GPR63: variants seen among roughly 807,000 people sequenced by gnomAD.
GPR63 encodes G protein-coupled receptor 63.
In GPR63, 12 loss-of-function variants were observed where a neutral mutation model predicts 23.1. That is an observed-to-expected ratio of 0.52 (90% CI 0.33 to 0.84). GPR63 has a LOEUF of 0.84. Ranked by LOEUF, GPR63 falls within the 40% of genes least tolerant of loss-of-function variation. The pLI, the probability that GPR63 is intolerant of heterozygous loss-of-function variation, is 0.02. For missense variants in GPR63, 472 were observed against 515.6 expected (o/e 0.92, Z 0.82); for synonymous variants, 172 against 191.1 (o/e 0.90, Z 0.82).
chr6:96,834,896 C>T (rs1774683498), intron 1 of GPR63, among the ~76,000 whole-genome samples: 1 of 152,150 alleles, frequency 6.6e-6, no homozygotes, highest in South Asian at 2.1e-4. Context: ...AGTACCAGAA[C>T]TTCCCCAAGG....
chr6:96,800,271 G>A (rs1375547017), intron 1 of GPR63, among the ~76,000 whole-genome samples: 2 of 151,782 alleles, frequency 1.3e-5, no homozygotes, highest in Non-Finnish European at 2.9e-5. Context: ...GTTCTCTTGA[G>A]CACTATTTTT....
At chr6:96,825,197 A>G (rs1387669583) in intron 1 of GPR63, among the ~76,000 whole-genome samples, 1 of 152,144 alleles carries the variant, frequency 6.6e-6, no homozygotes, top group African/African-American at 2.4e-5. Flanking sequence ...TACTCAATAT[A>G]TATTCAATTA....
At chr6:96,808,396 A>G (rs1470926594) in intron 1 of GPR63, among the ~76,000 whole-genome samples, 1 of 152,218 alleles carries the variant, frequency 6.6e-6, no homozygotes, top group Non-Finnish European at 1.5e-5. Context: ...ATCTGGTAAA[A>G]ATACAATAAA....
chr6:96,822,995 C>T (rs575944125), intron 1 of GPR63, among the ~76,000 whole-genome samples: 5 of 152,220 alleles, frequency 3.3e-5, no homozygotes, highest in East Asian at 1.9e-4. Flanking sequence ...CTAATGACAT[C>T]GTAGCCATCA....
intron 1 of GPR63, among the ~76,000 whole-genome samples, chr6:96,833,495 C>A (rs866668604): frequency 6.6e-6 from 1 of 152,134 alleles, no homozygotes; most frequent in Non-Finnish European, 1.5e-5. Context: ...TGTAAAGATG[C>A]CTCATTTTAG....
intron 1 of GPR63, among the ~76,000 whole-genome samples, chr6:96,832,425 T>C (rs968252319): frequency 1.8e-5 from 2 of 113,588 alleles, no homozygotes; most frequent in Admixed American, 1.1e-4. Flanking sequence ...CCACCATACC[T>C]GACTAACTTT....
intron 1 of GPR63, among the ~76,000 whole-genome samples, chr6:96,803,933 T>G (rs1202242416): frequency 6.6e-6 from 1 of 152,202 alleles, no homozygotes; most frequent in Non-Finnish European, 1.5e-5. Context: ...TGAGAAAAAT[T>G]TTAAATTATG....
chr6:96,798,182 T>C lies in GPR63; in HGVS notation c.*290A>G. 3.1e-6 allele frequency: 1 copy of C among 321,824 alleles called. No individual in the cohort carries two copies. Among genetic ancestry groups the C allele is most frequent in the Non-Finnish European group, 5.7e-6 (1 of 175,664 alleles). 19.9% of individuals were successfully genotyped at this position (321,824 alleles called of 1,614,324 possible). On this transcript the variant is annotated 3_prime_UTR_variant, in exon 2 of 2. Transcript: ENST00000229955. The stretch of plus-strand genomic sequence containing the variant: ...CTGCAGGCTCAATAAAGCACAATCC[T>C]GATTCCCACTATGAAAACAAAATCA...
At position 96,798,094 on chromosome 6, in the gene GPR63, A is replaced by G. The variant is rs1039998009; in HGVS notation, c.*378T>C. 2 of 165,810 alleles carry G rather than the reference A, an allele frequency of 1.2e-5. No individual in the cohort carries two copies. Among genetic ancestry groups the G allele is most frequent in the Non-Finnish European group, 2.6e-5 (2 of 76,024 alleles). The allele number at this position is 165,810 out of a possible 1,614,324, so 10.3% of individuals were successfully genotyped here. On this transcript the variant is annotated 3_prime_UTR_variant, in exon 2 of 2. Coordinates refer to ENST00000229955, the MANE Select transcript of GPR63 (RefSeq NM_030784.4). Reference sequence around the variant, plus strand: ...GCAGCAGTGTCTTCCAGAAAAAAAAAGTCTTGATAAACTCAAATAAGCATA... The same window carrying G: ...GCAGCAGTGTCTTCCAGAAAAAAAAGGTCTTGATAAACTCAAATAAGCATA...
At chr6:96,806,483 C>T (rs1582253117) in intron 1 of GPR63, among the ~76,000 whole-genome samples, 1 of 152,158 alleles carries the variant, frequency 6.6e-6, no homozygotes, top group South Asian at 2.1e-4. Context: ...GTCCGGGCTG[C>T]TATGAAAGCT....
chr6:96,809,312 G>A (rs1253028411), intron 1 of GPR63, among the ~76,000 whole-genome samples: 1 of 152,130 alleles, frequency 6.6e-6, no homozygotes, highest in Admixed American at 6.6e-5. Flanking sequence ...GTTAACTAAT[G>A]TGTCTAACTG....
chr6:96,836,049 T>C (rs896113165), intron 1 of GPR63, among the ~76,000 whole-genome samples: 18 of 152,104 alleles, frequency 1.2e-4, no homozygotes, highest in Non-Finnish European at 2.2e-4. Flanking sequence ...ATGCAACATT[T>C]TACAAAATAT....
intron 1 of GPR63, among the ~76,000 whole-genome samples, chr6:96,820,788 C>A (rs1774295222): frequency 6.6e-6 from 1 of 152,126 alleles, no homozygotes; most frequent in Admixed American, 6.5e-5. Context: ...ATATGCCTAT[C>A]TTCACAATTA....
At chr6:96,804,253 T>C (rs993993272) in intron 1 of GPR63, among the ~76,000 whole-genome samples, 2 of 152,182 alleles carry the variant, frequency 1.3e-5, no homozygotes, top group Non-Finnish European at 2.9e-5. Context: ...TTTTATTTTT[T>C]TGAGACAGGA....
Position 96,817,412 on chromosome 6 carries a change from T to C in GPR63, c.-150-17531A>G, listed in dbSNP as rs147750844. On this transcript the variant is annotated intron_variant, in intron 1 of 1. Transcript: ENST00000229955. The stretch of plus-strand genomic sequence containing the variant: ...GTGGTACACATGAAACTTTCATTCA[T>C]TGGGAGTGGAAATGGGTAACTAGAT... Among the ~76,000 whole-genome samples, 85 of 152,268 alleles carry C rather than the reference T, an allele frequency of 5.6e-4. 1 individual carries two copies. The East Asian group carries it at 0.011, about 20-fold the overall frequency.
chr6:96,830,275 C>T (rs1774546787), intron 1 of GPR63, among the ~76,000 whole-genome samples: 1 of 152,096 alleles, frequency 6.6e-6, no homozygotes, highest in South Asian at 2.1e-4. Flanking sequence ...TCACAATAAA[C>T]ATTCTTTAAA....
Position 96,799,615 on chromosome 6 carries a change from G to T in GPR63, c.117C>A (p.Asp39Glu), listed in dbSNP as rs768133094. 9.3e-6 allele frequency: 15 copies of T among 1,614,050 alleles called. No individual in the cohort carries two copies. The part of the protein sequence containing the change: ...ITLPPPFQHP[D>E]LSPLLRYSFE... The stretch of plus-strand genomic sequence containing the variant: ...AACTATATCTAAGCAATGGACTGAG[G>T]TCAGGATGCTGGAATGGTGGAGGGA... The change falls in exon 2 of 2, where the codon GAC becomes GAA. Residue 39 changes from aspartate (D) to glutamate (E), a missense_variant. Asp to Glu is a conservative substitution (Grantham distance 45). Transcript: ENST00000229955.
chr6:96,795,977 C>T lies in GPR63; in HGVS notation c.*2495G>A, dbSNP rs1413764013. On this transcript the variant is annotated 3_prime_UTR_variant, in exon 2 of 2. Coordinates refer to ENST00000229955, the MANE Select transcript of GPR63 (RefSeq NM_030784.4). ...AATTAGAAATGAAAGAGGTAGGTGA[C>T]TATCATTTGAAGATAATCCCAAAAC... 3 of 152,140 alleles carry T rather than the reference C, an allele frequency of 2.0e-5. No homozygotes were observed. Among genetic ancestry groups the T allele is most frequent in the Admixed American group, 1.3e-4 (2 of 15,276 alleles). The allele number at this position is 152,140 out of a possible 1,614,324, so 9.4% of individuals were successfully genotyped here.
chr6:96,819,962 G>A (rs56386410), intron 1 of GPR63, among the ~76,000 whole-genome samples: 41,727 of 132,986 alleles, frequency 0.31, 6,680 homozygotes, highest in African/African-American at 0.4. Flanking sequence ...GCAACACAGC[G>A]AGACTCTGTC....
Sources: allele counts gnomAD v4.1 joint callset (sites outside exome capture counted in the v4.1 genomes callset), GRCh38; gene constraint gnomAD v4.1.1; transcripts MANE v1.5; gene names NCBI Gene and HGNC (gene_info 2026-07-23, HGNC 2026-07-21).